NEBL: variants seen among roughly 807,000 people sequenced by gnomAD.
NEBL encodes LIM and SH3 protein 2.
A neutral mutation model predicts 140.2 loss-of-function variants in NEBL; 122 were observed. That is an observed-to-expected ratio of 0.87 (90% CI 0.75 to 1.01). NEBL has a LOEUF of 1.01. Among genes scored for constraint, NEBL ranks in the 50% least tolerant of loss-of-function variants. The pLI is 0.00. For synonymous variants in NEBL, 436 were observed against 398.9 expected, an observed-to-expected ratio of 1.09 and a Z score of -1.11; for missense variants, 1,365 against 1,231.3, an observed-to-expected ratio of 1.11 and a Z score of -1.62.
intron 20 of NEBL, chr10:20,819,181 C>A: frequency 1.2e-6 from 1 of 865,306 alleles, no homozygotes. Context: ...AAGCCCAGTA[C>A]TCAACAGTTA....
At chr10:21,019,296 C>A (rs998695329) in intron 3 of NEBL, among the ~76,000 whole-genome samples, 3 of 152,246 alleles carry the variant, frequency 2.0e-5, no homozygotes, top group Non-Finnish European at 4.4e-5. Flanking sequence ...CACGTTAGTG[C>A]AAACATCAGA....
intron 2 of NEBL, among the ~76,000 whole-genome samples, chr10:21,067,949 G>C (rs1212479525): frequency 1.3e-5 from 2 of 151,724 alleles, no homozygotes; most frequent in Admixed American, 1.3e-4. Flanking sequence ...ATGCACTCCA[G>C]CCTGGGTGAC....
chr10:20,801,476 C>T (rs1300550227), intron 26 of NEBL, among the ~76,000 whole-genome samples: 1 of 152,100 alleles, frequency 6.6e-6, no homozygotes. Flanking sequence ...GAATTACAGG[C>T]ATAAGTTACC....
chr10:21,177,780 G>A (rs1447009763), upstream of NEBL, among the ~76,000 whole-genome samples: 3 of 152,044 alleles, frequency 2.0e-5, no homozygotes, highest in African/African-American at 4.8e-5. Flanking sequence ...TGCCAGTCTC[G>A]GCCTCCCAAA....
chr10:20,880,917 A>G lies in NEBL; in HGVS notation c.370-13T>C. On this transcript the variant is annotated splice_polypyrimidine_tract_variant and intron_variant, in intron 4 of 27. Transcript: ENST00000377122. ...GCTTGTAGGCCACCTGAAAAACACA[A>G]ATAATTTTTAGTCCCATTTAGAGGC... 5.6e-6 allele frequency: 9 copies of G among 1,606,328 alleles called. No homozygotes were observed. Among genetic ancestry groups the G allele is most frequent in the Non-Finnish European group, 7.7e-6 (9 of 1,172,906 alleles).
At chr10:21,219,443 T>A (rs1169121847) in intron 3 of NEBL, among the ~76,000 whole-genome samples, 1 of 152,158 alleles carries the variant, frequency 6.6e-6, no homozygotes, top group Non-Finnish European at 1.5e-5. Flanking sequence ...TTTCCTCAAA[T>A]AAGCTCATTT....
intron 26 of NEBL, chr10:20,793,431 T>C (rs1836196681): frequency 1.2e-6 from 1 of 831,002 alleles, no homozygotes; most frequent in African/African-American, 1.9e-5. Context: ...AATCAGTTAC[T>C]TGCAGTGTTT....
chr10:20,979,326 A>T (rs950753430), intron 3 of NEBL, among the ~76,000 whole-genome samples: 1 of 149,952 alleles, frequency 6.7e-6, no homozygotes, highest in South Asian at 2.1e-4. Flanking sequence ...ATAAATGAAG[A>T]AAAAAAAAAG....
chr10:21,089,575 A>G (rs1836812325), intron 2 of NEBL, among the ~76,000 whole-genome samples: 1 of 152,060 alleles, frequency 6.6e-6, no homozygotes, highest in Non-Finnish European at 1.5e-5. Flanking sequence ...ACGGGGAGCC[A>G]CTGAATTCAC....
intron 2 of NEBL, among the ~76,000 whole-genome samples, chr10:21,055,749 C>T (rs1050513549): frequency 9.2e-5 from 14 of 152,180 alleles, no homozygotes; most frequent in South Asian, 2.1e-4. Context: ...CACCCAACTC[C>T]GTGACAAGCC....
rs558943339 is a variant in NEBL at position 20,999,284 on chromosome 10, A to T, written c.249+20833T>A. ...GTGAGAAGACCTGCAGTGATGCTATATTCTCCCAGCCCCACAAGAAATACA... is the reference window on the plus strand; with the variant it reads ...GTGAGAAGACCTGCAGTGATGCTATTTTCTCCCAGCCCCACAAGAAATACA... On this transcript the variant is annotated intron_variant, in intron 3 of 6. Transcript: ENST00000417816. 2.0e-5 allele frequency among the ~76,000 whole-genome samples: 3 copies of T among 152,208 alleles called. No homozygotes were observed. The East Asian group carries it at 5.8e-4, about 29-fold the overall frequency.
intron 2 of NEBL, among the ~76,000 whole-genome samples, chr10:21,064,695 C>T (rs1373338678): frequency 6.6e-6 from 1 of 151,862 alleles, no homozygotes; most frequent in Admixed American, 6.6e-5. Flanking sequence ...ATGTTTTTAC[C>T]ATATCAAAAT....
At chr10:21,256,037 T>C (rs1031412083) in intron 1 of NEBL, among the ~76,000 whole-genome samples, 2 of 151,852 alleles carry the variant, frequency 1.3e-5, no homozygotes, top group African/African-American at 2.4e-5. Context: ...CTGAGACAAA[T>C]TTTAATGATA....
intron 3 of NEBL, among the ~76,000 whole-genome samples, chr10:21,206,933 TAAGCAA>T (rs966127919): frequency 6.6e-6 from 1 of 151,688 alleles, no homozygotes; most frequent in African/African-American, 2.4e-5. Flanking sequence ...GATCCTATCT[TAAGCAA>T]AAGCCATATT....
intron 2 of NEBL, among the ~76,000 whole-genome samples, chr10:21,056,887 A>G (rs1320007721): frequency 6.6e-6 from 1 of 152,218 alleles, no homozygotes; most frequent in Non-Finnish European, 1.5e-5. Flanking sequence ...GGAGGGCTCC[A>G]TGCAGTACAG....
At chr10:21,008,679 C>G (rs1460692397) in intron 3 of NEBL, among the ~76,000 whole-genome samples, 1 of 152,008 alleles carries the variant, frequency 6.6e-6, no homozygotes, top group Non-Finnish European at 1.5e-5. Context: ...AGTGAAAACC[C>G]GCTGGTGGGA....
At chr10:21,024,136 A>G (rs1225778273) in intron 2 of NEBL, among the ~76,000 whole-genome samples, 1 of 152,074 alleles carries the variant, frequency 6.6e-6, no homozygotes, top group Non-Finnish European at 1.5e-5. Context: ...TCTCATGACC[A>G]AAGTGCAAAC....
Position 20,938,530 on chromosome 10 carries a change from G to A in NEBL, c.357+23142C>T, listed in dbSNP as rs191595660. On this transcript the variant is annotated intron_variant, in intron 4 of 6. Coordinates refer to the NEBL transcript ENST00000417816. ...AGCTGAAAATTCTAAAAATCAGAGCGCCTCTTCTCCTTAAAAGGAATGCAG... is the reference window on the plus strand; with the variant it reads ...AGCTGAAAATTCTAAAAATCAGAGCACCTCTTCTCCTTAAAAGGAATGCAG... 2.2e-4 allele frequency among the ~76,000 whole-genome samples: 34 copies of A among 152,296 alleles called. 1 individual carries two copies. Among genetic ancestry groups the A allele is most frequent in the Middle Eastern group, 3.4e-3 (1 of 294 alleles).
chr10:20,999,407 G>A (rs1837798533), intron 3 of NEBL, among the ~76,000 whole-genome samples: 1 of 152,078 alleles, frequency 6.6e-6, no homozygotes, highest in Admixed American at 6.5e-5. Flanking sequence ...GACAAGTCTG[G>A]GCAATATGGC....
Sources: allele counts gnomAD v4.1 joint callset (sites outside exome capture counted in the v4.1 genomes callset), GRCh38; gene constraint gnomAD v4.1.1; transcripts MANE v1.5; gene names NCBI Gene and HGNC (gene_info 2026-07-23, HGNC 2026-07-21).